The following SUCO variants were observed in gnomAD, a reference collection of about 807,000 sequenced individuals.
SUCO encodes SUN domain containing ossification factor.
SUCO carries 57 observed loss-of-function variants against 148.1 expected under a neutral mutation model. The ratio of observed to expected loss-of-function variants is 0.38; its 90% CI spans 0.31 to 0.48. The LOEUF (loss-of-function observed/expected upper bound fraction) is 0.48, where lower values mean the gene tolerates loss of function less well. Among genes scored for constraint, SUCO ranks in the 20% least tolerant of loss-of-function variants. SUCO has a pLI of 0.96. For synonymous variants in SUCO, 470 were observed against 502.7 expected (o/e 0.93, Z 0.87); for missense variants, 1,331 against 1,468.2 (o/e 0.91, Z 1.53).
chr1:172,554,517 A>C (rs1653573982), intron 3 of SUCO, among the ~76,000 whole-genome samples: 1 of 152,160 alleles, frequency 6.6e-6, no homozygotes, highest in African/African-American at 2.4e-5. Flanking sequence ...ACAGTGGATC[A>C]CCTGAGGTCA....
intron 22 of SUCO, among the ~76,000 whole-genome samples, chr1:172,603,691 G>A (rs1437634867): frequency 6.6e-6 from 1 of 151,848 alleles, no homozygotes; most frequent in Non-Finnish European, 1.5e-5. Context: ...AAACAATACA[G>A]CTGTGCAAAT....
chr1:172,540,872 A>G (rs944607135), intron 1 of SUCO, among the ~76,000 whole-genome samples: 14 of 152,176 alleles, frequency 9.2e-5, no homozygotes, highest in Admixed American at 9.2e-4. Flanking sequence ...AGTAAACAGA[A>G]AAGCCTGAGG....
At chr1:172,568,398 C>A in intron 6 of SUCO, 1 of 969,202 alleles carries the variant, frequency 1.0e-6, no homozygotes, top group Non-Finnish European at 1.2e-6. Context: ...ATACTTCTCT[C>A]AGTGTGTGAC....
intron 19 of SUCO, among the ~76,000 whole-genome samples, chr1:172,596,868 T>A (rs1196906798): frequency 6.6e-6 from 1 of 152,228 alleles, no homozygotes; most frequent in African/African-American, 2.4e-5. Flanking sequence ...TTTGTTCAGC[T>A]ATGCCCTGCC....
intron 14 of SUCO, 102 bp downstream of exon 14, chr1:172,578,491 T>C: frequency 7.1e-7 from 1 of 1,404,120 alleles, no homozygotes; most frequent in Non-Finnish European, 9.4e-7. Context: ...ATATGACTGT[T>C]GTCTTCAGGC....
Position 172,610,255 on chromosome 1 carries a change from T to C in SUCO, c.3761T>C (p.Ile1254Thr), listed in dbSNP as rs746991777. 6 of 1,573,872 alleles carry C rather than the reference T, an allele frequency of 3.8e-6. No homozygotes were observed. The South Asian group carries it at 4.7e-5, about 12-fold the overall frequency. The change falls in exon 24 of 24, where the codon ATC becomes ACC. Residue 1254 changes from isoleucine (I) to threonine (T), a missense_variant. Ile to Thr is a moderately conservative substitution (Grantham distance 89, BLOSUM62 -1). This residue lies in a region of SUCO where 334 missense variants were observed against 352.3 expected (regional missense o/e 0.95). Transcript: ENST00000263688. Reference sequence around the variant, plus strand: ...GGTGTTACAGCAGTCTCGGGACATATCTAAAATTAATTGAACTTTTCATAC... The same window carrying C: ...GGTGTTACAGCAGTCTCGGGACATACCTAAAATTAATTGAACTTTTCATAC... ...TFGVTAVSGHI is the reference protein window; with the variant it reads ...TFGVTAVSGHT
At chr1:172,579,132 T>G in intron 14 of SUCO, 70 bp from the exon 15 acceptor site, 1 of 840,928 alleles carries the variant, frequency 1.2e-6, no homozygotes, top group South Asian at 1.5e-5. Context: ...AGGACATAAT[T>G]TGAGCTTTTA....
intron 1 of SUCO, chr1:172,543,028 A>G (rs1652597676): frequency 1.0e-6 from 1 of 983,990 alleles, no homozygotes; most frequent in Non-Finnish European, 1.2e-6. Context: ...CAGGAGATGT[A>G]GAAGAGTACA....
chr1:172,589,023 T>C lies in SUCO; in HGVS notation c.1922T>C (p.Val641Ala), dbSNP rs759659611. 3 of 1,613,544 alleles carry C rather than the reference T, an allele frequency of 1.9e-6. No individual in the cohort carries two copies. Among genetic ancestry groups the C allele is most frequent in the Non-Finnish European group, 2.5e-6 (3 of 1,179,774 alleles). The change falls in exon 18 of 24, where the codon GTT (valine) becomes GCT (alanine). Residue 641 changes from valine (V) to alanine (A), a missense_variant. Physicochemically the swap from Val to Ala is moderately conservative, Grantham distance 64. Around this residue, in one of 3 missense-constraint regions of SUCO, gnomAD observed 992 missense variants for 1,093.5 expected, o/e 0.91. Coordinates refer to ENST00000263688, the MANE Select transcript of SUCO (RefSeq NM_014283.5). ...EYIYKWCSVRVALYRQRSRTA... is the reference protein window; with the variant it reads ...EYIYKWCSVRAALYRQRSRTA... ...ATATATAAATGGTGTTCAGTTAGAGTTGCTCTTTATCGGCAGCGCAGCCGA... is the reference window on the plus strand; with the variant it reads ...ATATATAAATGGTGTTCAGTTAGAGCTGCTCTTTATCGGCAGCGCAGCCGA...
At chr1:172,573,808 A>C in intron 9 of SUCO, 83 bp from the exon 10 acceptor site, 1 of 768,288 alleles carries the variant, frequency 1.3e-6, no homozygotes, top group Non-Finnish European at 2.1e-6. Flanking sequence ...TGGTAGTCTA[A>C]TTTATGGAAA....
intron 6 of SUCO, among the ~76,000 whole-genome samples, chr1:172,559,475 C>T (rs1653982365): frequency 6.6e-6 from 1 of 152,128 alleles, no homozygotes; most frequent in African/African-American, 2.4e-5. Flanking sequence ...GGGTTCTTGG[C>T]TTAGCCCAGG....
At chr1:172,601,027 A>G (rs1252312180) in intron 20 of SUCO, among the ~76,000 whole-genome samples, 2 of 152,182 alleles carry the variant, frequency 1.3e-5, no homozygotes, top group African/African-American at 4.8e-5. Context: ...CTTCGTAGAC[A>G]ATTTAGAGTT....
chr1:172,537,310 C>A (rs889247573), intron 1 of SUCO, among the ~76,000 whole-genome samples: 7 of 151,838 alleles, frequency 4.6e-5, no homozygotes, highest in African/African-American at 1.7e-4. Flanking sequence ...GTTAACGGTA[C>A]CTTTTGTTCT....
chr1:172,599,834 A>AT (rs1258796942), intron 19 of SUCO, among the ~76,000 whole-genome samples: 1 of 152,230 alleles, frequency 6.6e-6, no homozygotes, highest in African/African-American at 2.4e-5. Flanking sequence ...GTGGGTGACA[A>AT]AAATAAATAA....
chr1:172,605,858 T>C (rs767390492), intron 22 of SUCO, among the ~76,000 whole-genome samples: 1 of 151,828 alleles, frequency 6.6e-6, no homozygotes, highest in Non-Finnish European at 1.5e-5. Context: ...TAAATAAAAG[T>C]GATTGACAGG....
chr1:172,541,520 C>T (rs917432058), intron 1 of SUCO, among the ~76,000 whole-genome samples: 1 of 152,148 alleles, frequency 6.6e-6, no homozygotes, highest in Non-Finnish European at 1.5e-5. Context: ...TTCATCTTGG[C>T]AGTAGAAATA....
At chr1:172,609,434 A>G (rs1658069710) in intron 23 of SUCO, 5 of 912,790 alleles carry the variant, frequency 5.5e-6, no homozygotes, top group South Asian at 5.0e-5. Flanking sequence ...AGAACCAAAC[A>G]TCTGAACCTT....
At chr1:172,558,783 G>A (rs948719176) in intron 6 of SUCO, among the ~76,000 whole-genome samples, 1 of 152,126 alleles carries the variant, frequency 6.6e-6, no homozygotes, top group African/African-American at 2.4e-5. Context: ...TTAGACAAAC[G>A]TTAAAACACA....
intron 10 of SUCO, 77 bp from the exon 11 acceptor site, chr1:172,575,441 A>G (rs1353990024): frequency 2.8e-5 from 30 of 1,053,504 alleles, no homozygotes; most frequent in Non-Finnish European, 1.4e-6. Context: ...AAAAAATTAT[A>G]TTTTGAAAAT....
Sources: allele counts gnomAD v4.1 joint callset (sites outside exome capture counted in the v4.1 genomes callset), GRCh38; gene constraint gnomAD v4.1.1; regional missense constraint gnomAD v4.1.1; transcripts MANE v1.5; gene names NCBI Gene and HGNC (gene_info 2026-07-23, HGNC 2026-07-21).